The following PUM1 variants were observed in gnomAD, a reference collection of about 807,000 sequenced individuals.
PUM1 encodes pumilio homolog 1.
A neutral mutation model predicts 131.8 loss-of-function variants in PUM1; 13 were observed. The observed-to-expected ratio is 0.10, with a 90% CI of 0.06 to 0.16. The LOEUF is 0.16. PUM1 is among the 10% of genes least tolerant of loss of function. The probability of loss-of-function intolerance (pLI) is 1.00; values close to 1 mark genes in which losing one functional copy is unlikely to be tolerated. For missense variants in PUM1, 961 were observed against 1,512.4 expected, an observed-to-expected ratio of 0.64 and a Z score of 6.05; for synonymous variants, 509 against 556.5, an observed-to-expected ratio of 0.91 and a Z score of 1.20.
intron 1 of PUM1, among the ~76,000 whole-genome samples, chr1:31,060,244 T>C (rs980505439): frequency 6.7e-6 from 1 of 150,148 alleles, no homozygotes; most frequent in Non-Finnish European, 1.5e-5. Context: ...GTGGATCACC[T>C]GACGTCAGGA....
chr1:30,989,530 C>T (rs561843867), intron 7 of PUM1, among the ~76,000 whole-genome samples: 1 of 134,328 alleles, frequency 7.4e-6, no homozygotes, highest in South Asian at 2.4e-4. Flanking sequence ...CAAGATCGTA[C>T]CACTGAACTC....
At chr1:31,007,233 A>G in intron 3 of PUM1, 131 bp from the exon 4 acceptor site, 1 of 669,600 alleles carries the variant, frequency 1.5e-6, no homozygotes, top group Non-Finnish European at 2.6e-6. Flanking sequence ...AAAGTGTTCC[A>G]ACTACACAAC....
chr1:30,983,117 T>G (rs1211594009), intron 7 of PUM1, among the ~76,000 whole-genome samples: 2 of 152,266 alleles, frequency 1.3e-5, no homozygotes, highest in African/African-American at 2.4e-5. Context: ...GGTAACAGTG[T>G]GCTTGTGATT....
At chr1:30,967,688 AG>A (rs1275119046) in intron 11 of PUM1, among the ~76,000 whole-genome samples, 1 of 152,242 alleles carries the variant, frequency 6.6e-6, no homozygotes, top group Admixed American at 6.5e-5. Flanking sequence ...CAAATGAAAC[AG>A]GTTAAAGTTA....
intron 1 of PUM1, among the ~76,000 whole-genome samples, chr1:31,064,100 A>G (rs1239585727): frequency 6.6e-6 from 1 of 152,232 alleles, no homozygotes; most frequent in East Asian, 1.9e-4. Flanking sequence ...GTTTTTTAAA[A>G]TATCACTAAT....
intron 3 of PUM1, among the ~76,000 whole-genome samples, chr1:31,007,896 C>T (rs1372914820): frequency 1.3e-5 from 2 of 152,186 alleles, no homozygotes; most frequent in Non-Finnish European, 2.9e-5. Flanking sequence ...GATCAAAGCA[C>T]CAGTGACCAG....
At chr1:31,016,841 T>C (rs776007281) in intron 3 of PUM1, among the ~76,000 whole-genome samples, 16 of 152,244 alleles carry the variant, frequency 1.1e-4, no homozygotes, top group Non-Finnish European at 1.8e-4. Context: ...AAGCAAACTT[T>C]AATCTGTTGC....
At chr1:30,938,851 C>G (rs1198192825) in intron 20 of PUM1, among the ~76,000 whole-genome samples, 1 of 151,652 alleles carries the variant, frequency 6.6e-6, no homozygotes, top group Non-Finnish European at 1.5e-5. Context: ...GGCGACAGAG[C>G]GAGACTCCAT....
At chr1:30,957,290 T>C (rs1640208527) in intron 14 of PUM1, among the ~76,000 whole-genome samples, 1 of 152,242 alleles carries the variant, frequency 6.6e-6, no homozygotes, top group Non-Finnish European at 1.5e-5. Context: ...TAAATTGTAA[T>C]ATCTTGTTTT....
intron 1 of PUM1, among the ~76,000 whole-genome samples, chr1:31,064,211 C>T (rs1644430528): frequency 6.6e-6 from 1 of 152,148 alleles, no homozygotes; most frequent in Admixed American, 6.6e-5. Context: ...CCACACTTAA[C>T]AAACATTCTG....
chr1:30,961,049 C>T (rs139309197), intron 14 of PUM1, among the ~76,000 whole-genome samples: 166 of 151,782 alleles, frequency 1.1e-3, no homozygotes, highest in Non-Finnish European at 1.7e-3. Flanking sequence ...AAAAAATTAG[C>T]TGGGCATGGT....
At chr1:30,989,028 CA>C (rs201694804) in intron 7 of PUM1, among the ~76,000 whole-genome samples, 1 of 151,584 alleles carries the variant, frequency 6.6e-6, no homozygotes, top group African/African-American at 2.4e-5. Context: ...ACACTAACCA[CA>C]AAAAAAACAA....
At chr1:31,029,749 C>T (rs1228362715) in intron 2 of PUM1, among the ~76,000 whole-genome samples, 2 of 151,846 alleles carry the variant, frequency 1.3e-5, no homozygotes, top group Admixed American at 1.3e-4. Context: ...GCAAAATTCC[C>T]CTCTCTACAA....
rs1557545089 is a variant in PUM1 at position 30,942,189 on chromosome 1, G to GTTTATA, written c.2995-72_2995-67dup. The GTTTATA allele has an allele frequency of 2.0e-5, 3 of 148,942 alleles. No individual in the cohort carries two copies. In the African/African-American group the frequency reaches 2.1e-4, roughly 11 times the overall value. 9.2% of individuals were successfully genotyped at this position (148,942 alleles called of 1,614,324 possible). On this transcript the variant is annotated intron_variant, in intron 18 of 21. Coordinates refer to ENST00000426105, the MANE Select transcript of PUM1 (RefSeq NM_001020658.2). ...TCACCACCTTCAATGCTTCAGTATT[G>GTTTATA]TTTATATATATATATATATATATAT...
intron 10 of PUM1, 30 bp from the exon 11 acceptor site, chr1:30,968,522 C>T (rs1640722000): frequency 1.9e-6 from 3 of 1,582,276 alleles, no homozygotes; most frequent in Admixed American, 2.0e-5. Flanking sequence ...ATAACTCAAC[C>T]ACTTTCTTTT....
At chr1:30,934,229 G>A (rs932220045) in intron 21 of PUM1, among the ~76,000 whole-genome samples, 1 of 152,184 alleles carries the variant, frequency 6.6e-6, no homozygotes, top group Non-Finnish European at 1.5e-5. Context: ...TGAGCTCAGG[G>A]AGCATTCTAC....
intron 21 of PUM1, among the ~76,000 whole-genome samples, chr1:30,934,374 C>T (rs969053674): frequency 2.0e-5 from 3 of 152,168 alleles, no homozygotes; most frequent in African/African-American, 4.8e-5. Context: ...ATAAATGTAC[C>T]GCAGTAGACA....
At chr1:30,989,442 G>T (rs75902229) in intron 7 of PUM1, among the ~76,000 whole-genome samples, 2,452 of 151,650 alleles carry the variant, frequency 0.016, 72 homozygotes, top group African/African-American at 0.055. Context: ...CACAGTGGTG[G>T]GTGTCTGTAG....
At chr1:31,039,994 A>G (rs1179038313) in intron 2 of PUM1, among the ~76,000 whole-genome samples, 1 of 152,186 alleles carries the variant, frequency 6.6e-6, no homozygotes, top group Admixed American at 6.6e-5. Context: ...TCTCAAAAAT[A>G]ATAATAATAA....
Sources: allele counts gnomAD v4.1 joint callset (sites outside exome capture counted in the v4.1 genomes callset), GRCh38; gene constraint gnomAD v4.1.1; transcripts MANE v1.5; gene names NCBI Gene and HGNC (gene_info 2026-07-23, HGNC 2026-07-21).